Variants in PODXL2 observed in about 807,000 individuals in gnomAD.
The protein encoded by PODXL2 is podocalyxin-like protein 2.
PODXL2 carries 17 observed loss-of-function variants against 53.4 expected under a neutral mutation model. The ratio of observed to expected loss-of-function variants is 0.32; its 90% CI spans 0.22 to 0.48. The LOEUF is 0.48. Ranked by LOEUF, PODXL2 falls within the 20% of genes least tolerant of loss-of-function variation. The probability of loss-of-function intolerance (pLI) is 0.99; values close to 1 mark genes in which losing one functional copy is unlikely to be tolerated. For missense variants in PODXL2, 673 were observed against 760.0 expected, an observed-to-expected ratio of 0.89 and a Z score of 1.35; for synonymous variants, 311 against 306.7, an observed-to-expected ratio of 1.01 and a Z score of -0.15.
rs1049774456 is a variant in PODXL2, at chr3:127,668,353, G to A, written c.1207-88G>A. 5.0e-6 allele frequency: 6 copies of A among 1,196,428 alleles called. No individual in the cohort carries two copies. The Admixed American group carries it at 1.1e-4, about 22-fold the overall frequency. The allele number at this position is 1,196,428 out of a possible 1,614,324, so 74.1% of individuals were successfully genotyped here. ...CTCTTGGAACAGCCAGAGGGTTGAG[G>A]GTGAGTACGGGGCTGGGCCTAGAGG... is the stretch of plus-strand genomic sequence containing the variant. On this transcript the variant is annotated intron_variant, in intron 4 of 7. Transcript: ENST00000342480.
intron 4 of PODXL2, chr3:127,665,915 G>A (rs2074792898): frequency 4.3e-6 from 2 of 465,174 alleles, no homozygotes; most frequent in Non-Finnish European, 4.3e-6. Flanking sequence ...TCCTTTTAAT[G>A]AGGAAAGGTA....
intron 1 of PODXL2, among the ~76,000 whole-genome samples, chr3:127,631,951 A>G (rs2074549502): frequency 6.6e-6 from 1 of 152,214 alleles, no homozygotes; most frequent in Non-Finnish European, 1.5e-5. Context: ...AATTCCTATT[A>G]GACCATTGGG....
At chr3:127,630,559 G>A (rs1318634052) in intron 1 of PODXL2, among the ~76,000 whole-genome samples, 1 of 152,192 alleles carries the variant, frequency 6.6e-6, no homozygotes, top group Non-Finnish European at 1.5e-5. Context: ...TGGGAAGGGA[G>A]GAACAGTCTT....
chr3:127,659,886 C>G (rs1400927899), intron 2 of PODXL2, among the ~76,000 whole-genome samples: 1 of 152,180 alleles, frequency 6.6e-6, no homozygotes, highest in African/African-American at 2.4e-5. Flanking sequence ...GAACAATGGT[C>G]ATAATTGAGG....
At chr3:127,667,507 G>A (rs2074800491) in intron 4 of PODXL2, among the ~76,000 whole-genome samples, 1 of 152,244 alleles carries the variant, frequency 6.6e-6, no homozygotes, top group African/African-American at 2.4e-5. Context: ...GAGCCGGAGT[G>A]AGGAGTGGCC....
intron 4 of PODXL2, among the ~76,000 whole-genome samples, chr3:127,665,723 G>T (rs746326662): frequency 2.0e-5 from 3 of 152,170 alleles, no homozygotes; most frequent in Non-Finnish European, 4.4e-5. Context: ...CATGCAAAGG[G>T]CTGGATCATC....
chr3:127,646,042 A>T (rs1056350875), intron 2 of PODXL2, among the ~76,000 whole-genome samples: 2 of 152,220 alleles, frequency 1.3e-5, no homozygotes, highest in Non-Finnish European at 2.9e-5. Flanking sequence ...GCTGAAAACC[A>T]TGCTGCAGAC....
rs1298977199 is a variant in PODXL2 at position 127,672,799 on chromosome 3, A to G, written c.*319A>G. On this transcript the variant is annotated 3_prime_UTR_variant, in exon 8 of 8. Coordinates refer to ENST00000342480, the MANE Select transcript of PODXL2 (RefSeq NM_015720.4). Reference sequence around the variant, plus strand: ...CCCGCCCGGAGACCACGCCGGGCCCAGCGCGTCTGCCTTCTTGACTCATTC... The same window carrying G: ...CCCGCCCGGAGACCACGCCGGGCCCGGCGCGTCTGCCTTCTTGACTCATTC... The G allele has an allele frequency of 1.6e-5, 5 of 311,346 alleles. No homozygotes were observed. Among genetic ancestry groups the G allele is most frequent in the Non-Finnish European group, 2.8e-5 (5 of 178,908 alleles). 19.3% of individuals were successfully genotyped at this position (311,346 alleles called of 1,614,324 possible).
At position 127,672,248 on chromosome 3, in the gene PODXL2, C is replaced by T. The variant is rs755205528; in HGVS notation, c.1606-20C>T. 3.3e-6 allele frequency: 5 copies of T among 1,537,708 alleles called. No individual in the cohort carries two copies. The South Asian group carries it at 6.0e-5, about 18-fold the overall frequency. On this transcript the variant is annotated intron_variant, in intron 7 of 7. Coordinates refer to ENST00000342480, the MANE Select transcript of PODXL2 (RefSeq NM_015720.4). ...GGGGGCTGGCTCGCTCGCCCATGGC[C>T]TCTCCCCACCCCGCCTCAGTCGCAC...
chr3:127,646,793 G>T (rs1037954743), intron 2 of PODXL2, among the ~76,000 whole-genome samples: 3 of 152,150 alleles, frequency 2.0e-5, no homozygotes, highest in Admixed American at 1.3e-4. Flanking sequence ...GCCAAGGGAG[G>T]TTCAGACCTT....
At chr3:127,659,712 T>C (rs944112924) in intron 2 of PODXL2, among the ~76,000 whole-genome samples, 4 of 152,218 alleles carry the variant, frequency 2.6e-5, no homozygotes, top group Non-Finnish European at 5.9e-5. Flanking sequence ...TTCCCAAGAA[T>C]GGCAGGGAGA....
chr3:127,669,034 AG>A, intron 5 of PODXL2, 106 bp from the exon 6 acceptor site: 1 of 665,778 alleles, frequency 1.5e-6, no homozygotes, highest in Middle Eastern at 3.6e-4. Context: ...TGAGCCAGGA[AG>A]GGAGACAGAG....
intron 6 of PODXL2, among the ~76,000 whole-genome samples, chr3:127,671,209 G>C (rs911769068): frequency 2.0e-5 from 3 of 152,188 alleles, no homozygotes; most frequent in African/African-American, 7.2e-5. Flanking sequence ...TGTGAAGGAG[G>C]CTGGGAACAT....
chr3:127,639,603 C>T (rs772623864), intron 2 of PODXL2, 80 bp downstream of exon 2: 29 of 1,303,836 alleles, frequency 2.2e-5, no homozygotes, highest in Non-Finnish European at 2.1e-6. Context: ...ATTTCCTTGC[C>T]AGAAGCATCT....
At chr3:127,648,675 G>T (rs555715627) in intron 2 of PODXL2, among the ~76,000 whole-genome samples, 3 of 151,564 alleles carry the variant, frequency 2.0e-5, no homozygotes, top group East Asian at 3.9e-4. Flanking sequence ...GAGTGCAGTG[G>T]TGTGATCTTG....
chr3:127,634,334 A>T (rs1269265017), intron 1 of PODXL2, among the ~76,000 whole-genome samples: 4 of 152,086 alleles, frequency 2.6e-5, no homozygotes, highest in African/African-American at 9.7e-5. Context: ...CTGAGGCAGG[A>T]GAATCGCTTG....
intron 1 of PODXL2, among the ~76,000 whole-genome samples, chr3:127,633,564 C>G (rs2074560568): frequency 6.6e-6 from 1 of 151,898 alleles, no homozygotes; most frequent in Admixed American, 6.6e-5. Flanking sequence ...TCCCACCAGG[C>G]CTCAGTTATT....
In PODXL2 at chr3:127,629,618, G is replaced by C. The variant is rs1161085221; in HGVS notation, c.70+329G>C. ...CGGGGGGGCGCGCACGTGTGGGTGTGCATGTGTGTGCGTGTGCTTGTGTGT... is the reference window on the plus strand; with the variant it reads ...CGGGGGGGCGCGCACGTGTGGGTGTCCATGTGTGTGCGTGTGCTTGTGTGT... On this transcript the variant is annotated intron_variant, in intron 1 of 7. Coordinates refer to ENST00000342480, the MANE Select transcript of PODXL2 (RefSeq NM_015720.4). The surrounding 1 kb of genome is among the most constrained non-coding windows in gnomAD (Gnocchi z 6.4). 4.6e-5 allele frequency among the ~76,000 whole-genome samples: 7 copies of C among 152,024 alleles called. No homozygotes were observed. The highest frequency in any genetic ancestry group is 1.7e-4 in the African/African-American group (7 of 41,380).
chr3:127,635,531 G>T (rs1279587529), intron 1 of PODXL2, among the ~76,000 whole-genome samples: 3 of 152,212 alleles, frequency 2.0e-5, no homozygotes, highest in Non-Finnish European at 4.4e-5. Context: ...TTTATAATTT[G>T]TCTTAATGTA....
Sources: allele counts gnomAD v4.1 joint callset (sites outside exome capture counted in the v4.1 genomes callset), GRCh38; gene constraint gnomAD v4.1.1; non-coding constraint Gnocchi (gnomAD v3.1); transcripts MANE v1.5; gene names NCBI Gene and HGNC (gene_info 2026-07-23, HGNC 2026-07-21).